Variants in KCNH8 observed in about 807,000 individuals in gnomAD.
KCNH8 encodes the protein potassium voltage-gated channel subfamily H member 8.
KCNH8 carries 70 observed loss-of-function variants against 103.6 expected under a neutral mutation model. That is an observed-to-expected ratio of 0.68 (90% CI 0.56 to 0.82). KCNH8 has a LOEUF of 0.82. KCNH8 is among the 40% of genes least tolerant of loss of function. The pLI, the probability that KCNH8 is intolerant of heterozygous loss-of-function variation, is 0.00. For synonymous variants in KCNH8, 498 were observed against 489.4 expected (o/e 1.02, Z -0.23); for missense variants, 1,217 against 1,329.9 (o/e 0.92, Z 1.32).
At chr3:19,504,647 A>G (rs961930940) in intron 11 of KCNH8, among the ~76,000 whole-genome samples, 10 of 152,336 alleles carry the variant, frequency 6.6e-5, no homozygotes, top group African/African-American at 2.4e-4. Flanking sequence ...CACACCAGTT[A>G]GAATGTCTAT....
intron 7 of KCNH8, among the ~76,000 whole-genome samples, chr3:19,417,878 C>G (rs1243273570): frequency 6.6e-6 from 1 of 152,122 alleles, no homozygotes; most frequent in Non-Finnish European, 1.5e-5. Context: ...CTAAGAGAGA[C>G]ATACTGTTGT....
chr3:19,221,120 T>G (rs1376706507), intron 1 of KCNH8, among the ~76,000 whole-genome samples: 1 of 152,218 alleles, frequency 6.6e-6, no homozygotes, highest in African/African-American at 2.4e-5. Flanking sequence ...AAGGGAATGA[T>G]AAGTTGAGAA....
chr3:19,366,535 G>A (rs1357354315), intron 5 of KCNH8, among the ~76,000 whole-genome samples: 1 of 152,036 alleles, frequency 6.6e-6, no homozygotes, highest in East Asian at 1.9e-4. Flanking sequence ...ACTAAATTTA[G>A]AAACCCAGGA....
chr3:19,435,052 A>G (rs2067177935), intron 7 of KCNH8, among the ~76,000 whole-genome samples: 1 of 152,122 alleles, frequency 6.6e-6, no homozygotes, highest in African/African-American at 2.4e-5. Context: ...ACACACACAC[A>G]CAAAAAGACA....
In KCNH8 at chr3:19,247,241, T is replaced by C. The variant is rs1387525843; in HGVS notation, c.77-6413T>C. On this transcript the variant is annotated intron_variant, in intron 1 of 15. Coordinates refer to ENST00000328405, the MANE Select transcript of KCNH8 (RefSeq NM_144633.3). ...TACCAAATAAAGATAACCTCCTAAA[T>C]TTTGGCAGAAGTCATGCTGTAAACT... is the stretch of plus-strand genomic sequence containing the variant. Among the ~76,000 whole-genome samples, 3 of 152,312 alleles carry C rather than the reference T, an allele frequency of 2.0e-5. No individual in the cohort carries two copies. The East Asian group carries it at 5.8e-4, about 29-fold the overall frequency.
At chr3:19,291,004 C>T (rs2064914098) in intron 3 of KCNH8, among the ~76,000 whole-genome samples, 1 of 151,934 alleles carries the variant, frequency 6.6e-6, no homozygotes, top group African/African-American at 2.4e-5. Flanking sequence ...TTATCCATTT[C>T]TTCCAGATTT....
intron 6 of KCNH8, chr3:19,391,806 T>C (rs2066441911): frequency 1.3e-5 from 2 of 151,998 alleles, no homozygotes; most frequent in African/African-American, 4.8e-5. Flanking sequence ...TTATCTAGGC[T>C]TTCTACAGTG....
At chr3:19,388,669 A>G (rs973835035) in intron 5 of KCNH8, among the ~76,000 whole-genome samples, 19 of 152,128 alleles carry the variant, frequency 1.2e-4, no homozygotes, top group East Asian at 1.9e-4. Flanking sequence ...TTTAAAAGTT[A>G]TATCATTCAC....
chr3:19,187,484 G>T (rs1010236761), intron 1 of KCNH8, among the ~76,000 whole-genome samples: 7 of 152,056 alleles, frequency 4.6e-5, no homozygotes, highest in Non-Finnish European at 1.0e-4. Context: ...TATCACTGGG[G>T]TTATATCACC....
intron 4 of KCNH8, among the ~76,000 whole-genome samples, chr3:19,346,079 A>G (rs1341844909): frequency 6.6e-6 from 1 of 152,096 alleles, no homozygotes; most frequent in Admixed American, 6.6e-5. Flanking sequence ...ACTTATGTGG[A>G]TAGAAAATGA....
intron 1 of KCNH8, among the ~76,000 whole-genome samples, chr3:19,176,354 G>A (rs1276632406): frequency 3.3e-5 from 5 of 152,096 alleles, no homozygotes; most frequent in Non-Finnish European, 5.9e-5. Context: ...ACAGTATGAG[G>A]CTCTATAAAC....
chr3:19,367,514 C>G (rs1034397354), intron 5 of KCNH8, among the ~76,000 whole-genome samples: 1 of 147,648 alleles, frequency 6.8e-6, no homozygotes, highest in African/African-American at 2.5e-5. Flanking sequence ...AGAACATGGA[C>G]CAGGCAATAC....
At position 19,533,399 on chromosome 3, in the gene KCNH8, C is replaced by T. The variant is rs2069201332; in HGVS notation, c.2624C>T (p.Thr875Ile). ...CACTTTGCTCTATCCACATAGGTAA[C>T]AACATTGACTCAGGAAGTTTCTCAG... ...QQINKLNSEV[T>I]TLTQEVSQLG... The change falls in exon 16 of 16, where the codon ACA (threonine) becomes ATA (isoleucine). Residue 875 changes from threonine to isoleucine, a missense_variant. Transcript: ENST00000328405. 1.9e-6 allele frequency: 3 copies of T among 1,611,890 alleles called. No homozygotes were observed. Among genetic ancestry groups the T allele is most frequent in the Non-Finnish European group, 2.5e-6 (3 of 1,177,950 alleles).
At chr3:19,256,209 C>G (rs933730214) in intron 2 of KCNH8, among the ~76,000 whole-genome samples, 1 of 152,092 alleles carries the variant, frequency 6.6e-6, no homozygotes, top group African/African-American at 2.4e-5. Flanking sequence ...ATGGAAATGT[C>G]ATCCCCTTTT....
At chr3:19,308,042 C>T (rs1426936817) in intron 3 of KCNH8, among the ~76,000 whole-genome samples, 7 of 151,652 alleles carry the variant, frequency 4.6e-5, no homozygotes, top group South Asian at 2.1e-4. Flanking sequence ...GCTAGAAAGA[C>T]GACATTGAAT....
chr3:19,408,447 C>T (rs1335675797), intron 7 of KCNH8, among the ~76,000 whole-genome samples: 1 of 152,086 alleles, frequency 6.6e-6, no homozygotes, highest in Non-Finnish European at 1.5e-5. Flanking sequence ...ATGCTGGCAT[C>T]ATGAAAAATC....
chr3:19,349,240 A>G (rs1023269492), intron 5 of KCNH8, among the ~76,000 whole-genome samples: 2 of 152,114 alleles, frequency 1.3e-5, no homozygotes, highest in African/African-American at 4.8e-5. Flanking sequence ...CTATTAAATA[A>G]TGGTTAAATG....
intron 8 of KCNH8, among the ~76,000 whole-genome samples, chr3:19,441,529 C>G (rs1156760516): frequency 1.3e-5 from 2 of 152,164 alleles, no homozygotes; most frequent in Non-Finnish European, 2.9e-5. Context: ...TGCCACACAA[C>G]CAGTTAGTAA....
At chr3:19,422,287 T>C (rs76332942) in intron 7 of KCNH8, among the ~76,000 whole-genome samples, 1 of 152,266 alleles carries the variant, frequency 6.6e-6, no homozygotes, top group Non-Finnish European at 1.5e-5. Context: ...GATAAATACA[T>C]ATTTTATAAT....
Sources: allele counts gnomAD v4.1 joint callset (sites outside exome capture counted in the v4.1 genomes callset), GRCh38; gene constraint gnomAD v4.1.1; transcripts MANE v1.5; gene names NCBI Gene and HGNC (gene_info 2026-07-23, HGNC 2026-07-21).